The following TAPT1 variants were observed in gnomAD, a reference collection of about 807,000 sequenced individuals.
TAPT1 encodes transmembrane anterior posterior transformation protein 1 homolog.
TAPT1 carries 28 observed loss-of-function variants against 65.6 expected under a neutral mutation model. The ratio of observed to expected loss-of-function variants is 0.43; its 90% CI spans 0.32 to 0.59. TAPT1 has a LOEUF of 0.59. TAPT1 is among the 20% of genes least tolerant of loss of function. The pLI is 0.09. For missense variants in TAPT1, 563 were observed against 679.9 expected (o/e 0.83, Z 1.91); for synonymous variants, 278 against 245.2 (o/e 1.13, Z -1.25).
At chr4:16,227,065 T>TTCCA (rs1484545653), upstream of TAPT1, 1 of 454,508 alleles carries the variant, frequency 2.2e-6, no homozygotes, top group Admixed American at 2.3e-5. Flanking sequence ...GCTATTTTGG[T>TTCCA]TCCATCTCTT....
chr4:16,196,033 T>C (rs558152474), intron 3 of TAPT1, among the ~76,000 whole-genome samples: 4 of 152,324 alleles, frequency 2.6e-5, no homozygotes, highest in Admixed American at 2.6e-4. Context: ...TGTGGTATAA[T>C]TGGAAGAGTG....
At chr4:16,180,173 T>C (rs1748629846) in intron 7 of TAPT1, among the ~76,000 whole-genome samples, 1 of 152,152 alleles carries the variant, frequency 6.6e-6, no homozygotes, top group South Asian at 2.1e-4. Context: ...CGGGGGTGTA[T>C]GTAGAACTTG....
At chr4:16,193,105 T>A (rs1389813825) in intron 3 of TAPT1, among the ~76,000 whole-genome samples, 1 of 152,198 alleles carries the variant, frequency 6.6e-6, no homozygotes, top group Non-Finnish European at 1.5e-5. Flanking sequence ...ATGTTTTCAG[T>A]TAGATATTAA....
At chr4:16,203,434 T>C (rs1261487365) in intron 2 of TAPT1, among the ~76,000 whole-genome samples, 3 of 152,306 alleles carry the variant, frequency 2.0e-5, no homozygotes, top group African/African-American at 4.8e-5. Flanking sequence ...AATGTAACCG[T>C]GCTTGGACAT....
chr4:16,163,229 T>C lies in TAPT1; in HGVS notation c.*79A>G, dbSNP rs1560677346. On this transcript the variant is annotated 3_prime_UTR_variant, in exon 14 of 14. Transcript: ENST00000405303. ...TTTTTAAATAAATATTTAAGTGCCA[T>C]GTTTAGCATCTATTTGTCCTGGCAA... is the stretch of plus-strand genomic sequence containing the variant. 1.1e-5 allele frequency: 11 copies of C among 966,352 alleles called. No individual in the cohort carries two copies. Among genetic ancestry groups the C allele is most frequent in the South Asian group, 9.8e-5 (7 of 71,332 alleles). The allele number at this position is 966,352 out of a possible 1,614,324, so 59.9% of individuals were successfully genotyped here.
At chr4:16,172,244 T>C (rs1662655) in intron 11 of TAPT1, among the ~76,000 whole-genome samples, 3 of 151,458 alleles carry the variant, frequency 2.0e-5, no homozygotes, top group Non-Finnish European at 4.4e-5. Context: ...TTAAATACTA[T>C]TTCAAAAAAA....
intron 3 of TAPT1, among the ~76,000 whole-genome samples, chr4:16,194,935 T>A (rs1044615584): frequency 2.0e-5 from 3 of 151,778 alleles, no homozygotes; most frequent in African/African-American, 7.3e-5. Context: ...TTTCACCATG[T>A]TGGCCAGGAT....
At chr4:16,188,132 T>C (rs1749132250) in intron 5 of TAPT1, 88 bp downstream of exon 5, 2 of 1,130,248 alleles carry the variant, frequency 1.8e-6, no homozygotes, top group South Asian at 1.9e-5. Context: ...TATCTATATA[T>C]CTTTAAATCT....
intron 1 of TAPT1, among the ~76,000 whole-genome samples, chr4:16,223,479 G>C (rs1219673251): frequency 6.6e-6 from 1 of 152,114 alleles, no homozygotes; most frequent in Non-Finnish European, 1.5e-5. Context: ...TATGCAACAA[G>C]GAAATACACA....
At chr4:16,178,105 C>T (rs1197993993) in intron 8 of TAPT1, among the ~76,000 whole-genome samples, 1 of 152,184 alleles carries the variant, frequency 6.6e-6, no homozygotes, top group African/African-American at 2.4e-5. Context: ...ACCAGTGACA[C>T]ATACCCCCTC....
chr4:16,202,368 A>G (rs968985886), intron 3 of TAPT1, 94 bp downstream of exon 3: 6 of 751,300 alleles, frequency 8.0e-6, no homozygotes, highest in Admixed American at 5.1e-5. Flanking sequence ...AGTGTGGATG[A>G]AACTGTATGA....
intron 12 of TAPT1, among the ~76,000 whole-genome samples, chr4:16,170,425 A>G (rs987007036): frequency 5.3e-5 from 8 of 152,254 alleles, no homozygotes; most frequent in African/African-American, 1.9e-4. Context: ...GGGCTTTAAG[A>G]TTTTGCTAAA....
intron 12 of TAPT1, among the ~76,000 whole-genome samples, chr4:16,168,602 C>G (rs1259656005): frequency 6.6e-6 from 1 of 152,260 alleles, no homozygotes; most frequent in Non-Finnish European, 1.5e-5. Flanking sequence ...ACCAGAGAGG[C>G]CTGCCCTGGC....
intron 1 of TAPT1, among the ~76,000 whole-genome samples, chr4:16,224,824 G>A (rs1751454094): frequency 6.6e-6 from 1 of 152,184 alleles, no homozygotes; most frequent in Admixed American, 6.5e-5. Flanking sequence ...CTCAAGATCT[G>A]TGCTCATCAA....
intron 2 of TAPT1, among the ~76,000 whole-genome samples, chr4:16,209,233 CTGTTGT>C (rs1750521420): frequency 6.6e-6 from 1 of 152,148 alleles, no homozygotes; most frequent in Non-Finnish European, 1.5e-5. Flanking sequence ...CGTCCCAGGT[CTGTTGT>C]CTAGGCACAC....
chr4:16,169,040 T>C (rs1467443584), intron 12 of TAPT1, among the ~76,000 whole-genome samples: 6 of 152,214 alleles, frequency 3.9e-5, no homozygotes, highest in Non-Finnish European at 8.8e-5. Flanking sequence ...GTGTAGTTAA[T>C]TGATAAAGAA....
chr4:16,170,840 C>A (rs368737390), intron 11 of TAPT1, 111 bp from the exon 12 acceptor site: 2 of 769,126 alleles, frequency 2.6e-6, no homozygotes, highest in South Asian at 1.8e-5. Flanking sequence ...ACATTTTAGG[C>A]ATATATCTAT....
intron 3 of TAPT1, among the ~76,000 whole-genome samples, chr4:16,200,251 C>G (rs774628997): frequency 1.1e-4 from 17 of 152,196 alleles, no homozygotes; most frequent in Non-Finnish European, 2.1e-4. Context: ...TTGACGCACA[C>G]TGTTGATCAA....
Position 16,160,635 on chromosome 4 carries a change from T to A in TAPT1, c.*2673A>T, listed in dbSNP as rs1423340305. The A allele has an allele frequency of 1.3e-5, 2 of 152,228 alleles. No homozygotes were observed. The highest frequency in any genetic ancestry group is 4.8e-5 in the African/African-American group (2 of 41,458). The allele number at this position is 152,228 out of a possible 1,614,324, so 9.4% of individuals were successfully genotyped here. A position where few individuals can be genotyped will look rare whatever the true frequency, so the allele number is the denominator to read the frequency against. On this transcript the variant is annotated 3_prime_UTR_variant, in exon 14 of 14. Transcript: ENST00000405303. ...CAGTCTTCCACAGACGAACAGGGAC[T>A]TATCTTGCTCATTGCTGATCCCACC...
Sources: allele counts gnomAD v4.1 joint callset (sites outside exome capture counted in the v4.1 genomes callset), GRCh38; gene constraint gnomAD v4.1.1; transcripts MANE v1.5; gene names NCBI Gene and HGNC (gene_info 2026-07-23, HGNC 2026-07-21).